Variants in DOCK5 observed in about 807,000 individuals in gnomAD.
The protein encoded by DOCK5 is dedicator of cytokinesis 5.
In DOCK5, 142 loss-of-function variants were observed where a neutral mutation model predicts 251.8. The observed-to-expected ratio is 0.56, with a 90% CI of 0.49 to 0.65. DOCK5 has a LOEUF of 0.65. Among genes scored for constraint, DOCK5 ranks in the 30% least tolerant of loss-of-function variants. The probability of loss-of-function intolerance (pLI) is 0.00; values close to 1 mark genes in which losing one functional copy is unlikely to be tolerated. For missense variants in DOCK5, 2,111 were observed against 2,312.3 expected, an observed-to-expected ratio of 0.91 and a Z score of 1.79; for synonymous variants, 842 against 835.5, an observed-to-expected ratio of 1.01 and a Z score of -0.13.
rs1244231291 is a variant in DOCK5, at chr8:25,368,526, T to G, written c.3284-45T>G. 4 of 1,555,956 alleles carry G rather than the reference T, an allele frequency of 2.6e-6. 1 individual carries two copies. The South Asian group carries it at 3.7e-5, about 14-fold the overall frequency. On this transcript the variant is annotated intron_variant, in intron 32 of 51. Coordinates refer to ENST00000276440, the MANE Select transcript of DOCK5 (RefSeq NM_024940.8). ...TGGAGGAAGATTTTAACACTTTACT[T>G]TCAGTGAAATAATTTTTTAATATCT...
chr8:25,408,217 G>A (rs1801557325), intron 49 of DOCK5, 63 bp downstream of exon 49: 2 of 1,476,010 alleles, frequency 1.4e-6, no homozygotes, highest in Admixed American at 2.4e-5. Context: ...CCTGTACCCA[G>A]GCATATCACC....
intron 21 of DOCK5, 78 bp from the exon 22 acceptor site, chr8:25,336,161 C>G: frequency 6.8e-7 from 1 of 1,474,122 alleles, no homozygotes; most frequent in South Asian, 1.3e-5. Context: ...ATGCCATGTT[C>G]CCCTCTTAGA....
At chr8:25,332,217 A>C in intron 18 of DOCK5, 34 bp from the exon 19 acceptor site, 1 of 1,546,592 alleles carries the variant, frequency 6.5e-7, no homozygotes, top group Non-Finnish European at 8.9e-7. Flanking sequence ...GGTTGTTCTC[A>C]CCTGTATCTA....
At chr8:25,194,129 CA>C (rs34709261) in intron 1 of DOCK5, among the ~76,000 whole-genome samples, 53 of 139,092 alleles carry the variant, frequency 3.8e-4, no homozygotes, top group African/African-American at 6.8e-4. Flanking sequence ...CTAAAAAATA[CA>C]AAAAAAAAAA....
At chr8:25,401,192 G>C (rs1801433096) in intron 47 of DOCK5, 126 bp downstream of exon 47, 1 of 1,341,358 alleles carries the variant, frequency 7.5e-7, no homozygotes, top group Non-Finnish European at 1.0e-6. Context: ...TAGTGAGGCT[G>C]GTGGGAGAGA....
chr8:25,371,828 A>G (rs1800878378), intron 34 of DOCK5, among the ~76,000 whole-genome samples: 1 of 152,202 alleles, frequency 6.6e-6, no homozygotes, highest in Non-Finnish European at 1.5e-5. Context: ...AGTGCCCAAG[A>G]ATAACCCTAA....
intron 4 of DOCK5, chr8:25,277,347 G>C (rs181180734): frequency 5.0e-4 from 76 of 152,894 alleles, no homozygotes; most frequent in African/African-American, 1.7e-3. Flanking sequence ...TTACCAAAGG[G>C]CCTTATTTTC....
At chr8:25,308,642 A>G in intron 11 of DOCK5, 141 bp from the exon 12 acceptor site, 2 of 949,940 alleles carry the variant, frequency 2.1e-6, no homozygotes, top group East Asian at 5.5e-5. Context: ...AAATGGAAAA[A>G]TAAAGGAAAG....
intron 11 of DOCK5, among the ~76,000 whole-genome samples, chr8:25,307,900 C>T (rs1284612127): frequency 6.6e-6 from 1 of 152,142 alleles, no homozygotes; most frequent in Non-Finnish European, 1.5e-5. Context: ...CAGTGTTTTC[C>T]AGTAGGAGAG....
At position 25,355,405 on chromosome 8, in the gene DOCK5, A is replaced by G. The variant is rs532901554; in HGVS notation, c.2851-3558A>G. Among the ~76,000 whole-genome samples, 7 of 152,340 alleles carry G rather than the reference A, an allele frequency of 4.6e-5. No individual in the cohort carries two copies. The East Asian group carries it at 1.2e-3, about 25-fold the overall frequency. On this transcript the variant is annotated intron_variant, in intron 27 of 51. Transcript: ENST00000276440. ...ATATCTACAAAACCCAAGAGGGTTT[A>G]CTCAAATTTTAGTAAAACTAATAAA... is the stretch of plus-strand genomic sequence containing the variant.
At chr8:25,218,760 G>A (rs1444800357) in intron 1 of DOCK5, among the ~76,000 whole-genome samples, 1 of 152,168 alleles carries the variant, frequency 6.6e-6, no homozygotes, top group African/African-American at 2.4e-5. Flanking sequence ...TGGCAGTGCT[G>A]TGGCTCTTCT....
intron 28 of DOCK5, among the ~76,000 whole-genome samples, chr8:25,359,829 GA>G (rs1800645077): frequency 6.6e-6 from 1 of 152,242 alleles, no homozygotes; most frequent in African/African-American, 2.4e-5. Flanking sequence ...ATCTTCAGAT[GA>G]AAATATTTTG....
At chr8:25,316,934 T>C (rs1448580722) in intron 13 of DOCK5, 73 bp from the exon 14 acceptor site, 4 of 1,576,300 alleles carry the variant, frequency 2.5e-6, no homozygotes, top group Non-Finnish European at 3.5e-6. Flanking sequence ...CTTTACCTTT[T>C]ATGTCGTATG....
At chr8:25,224,956 A>AG (rs2117506666) in intron 1 of DOCK5, among the ~76,000 whole-genome samples, 2 of 152,354 alleles carry the variant, frequency 1.3e-5, no homozygotes, top group East Asian at 3.9e-4. Flanking sequence ...TCTTCAAAGA[A>AG]GATATGTAAA....
chr8:25,391,216 T>G (rs1220547784), intron 42 of DOCK5, among the ~76,000 whole-genome samples: 2 of 148,872 alleles, frequency 1.3e-5, no homozygotes, highest in African/African-American at 5.0e-5. Context: ...TGTGTGTGTG[T>G]GTGTGTGTGT....
At chr8:25,222,513 G>A (rs1802417953) in intron 1 of DOCK5, among the ~76,000 whole-genome samples, 1 of 152,130 alleles carries the variant, frequency 6.6e-6, no homozygotes. Flanking sequence ...GTCTCTAGCT[G>A]TTTCACAGGA....
intron 1 of DOCK5, among the ~76,000 whole-genome samples, chr8:25,191,693 T>C (rs2175328): frequency 0.89 from 135,031 of 151,976 alleles, 60,743 homozygotes; most frequent in Non-Finnish European, 0.96. Context: ...ATATAGGAAA[T>C]GAGGTTTGCA....
intron 17 of DOCK5, among the ~76,000 whole-genome samples, chr8:25,324,915 T>C (rs2666173): frequency 0.81 from 120,963 of 149,730 alleles, 48,994 homozygotes; most frequent in Middle Eastern, 0.86. Flanking sequence ...TTTGTCCTTG[T>C]GATAGTTTGC....
In DOCK5 at chr8:25,359,668, A is replaced by G. The variant is rs928853607; in HGVS notation, c.2949+607A>G. ...GAGGAATCTAGGTTGCCAGCTCCTT[A>G]TGTGAATCTCACTAATGCCTGATGA... On this transcript the variant is annotated intron_variant, in intron 28 of 51. Coordinates refer to ENST00000276440, the MANE Select transcript of DOCK5 (RefSeq NM_024940.8). Among the ~76,000 whole-genome samples the G allele has an allele frequency of 2.6e-5, 4 of 152,320 alleles. No homozygotes were observed. The South Asian group carries it at 6.2e-4, about 24-fold the overall frequency.
Sources: allele counts gnomAD v4.1 joint callset (sites outside exome capture counted in the v4.1 genomes callset), GRCh38; gene constraint gnomAD v4.1.1; transcripts MANE v1.5; gene names NCBI Gene and HGNC (gene_info 2026-07-23, HGNC 2026-07-21).